The following SPEF2 variants were observed in gnomAD, a reference collection of about 807,000 sequenced individuals.
SPEF2 encodes sperm flagella and cilia-associated protein 2.
In SPEF2, 187 loss-of-function variants were observed where a neutral mutation model predicts 224.6. That is an observed-to-expected ratio of 0.83 (90% CI 0.74 to 0.94). The LOEUF is 0.94. SPEF2 is among the 40% of genes least tolerant of loss of function. The probability of loss-of-function intolerance (pLI) is 0.00; values close to 1 mark genes in which losing one functional copy is unlikely to be tolerated. For missense variants in SPEF2, 2,170 were observed against 2,135.6 expected (o/e 1.02, Z -0.32); for synonymous variants, 715 against 707.3 (o/e 1.01, Z -0.17).
chr5:35,692,201 A>G (rs1041215682), intron 11 of SPEF2, among the ~76,000 whole-genome samples: 3 of 152,042 alleles, frequency 2.0e-5, no homozygotes, highest in Admixed American at 1.3e-4. Context: ...ACCTGAGGTC[A>G]AGAGTTTGAG....
chr5:35,720,972 G>A (rs1743556438), intron 20 of SPEF2, among the ~76,000 whole-genome samples: 2 of 150,040 alleles, frequency 1.3e-5, no homozygotes, highest in African/African-American at 4.9e-5. Context: ...TATTTATTTT[G>A]CCAAAATGAT....
intron 36 of SPEF2, among the ~76,000 whole-genome samples, chr5:35,809,558 G>C (rs930501216): frequency 1.3e-5 from 2 of 152,100 alleles, no homozygotes; most frequent in Non-Finnish European, 2.9e-5. Flanking sequence ...AAGGTCTGGG[G>C]AAGGCATGGA....
At chr5:35,656,784 C>T (rs1257273258) in intron 7 of SPEF2, among the ~76,000 whole-genome samples, 2 of 152,172 alleles carry the variant, frequency 1.3e-5, no homozygotes, top group African/African-American at 4.8e-5. Flanking sequence ...ACCTAAGGGG[C>T]CTAAAAAAGA....
At chr5:35,618,113 A>G (rs888417174) in intron 1 of SPEF2, 58 bp downstream of exon 1, 7 of 1,512,920 alleles carry the variant, frequency 4.6e-6, no homozygotes, top group East Asian at 2.4e-5. Flanking sequence ...CAGAGCCTGC[A>G]GCGCAGCGCA....
intron 26 of SPEF2, among the ~76,000 whole-genome samples, chr5:35,769,640 G>T (rs1025275986): frequency 2.6e-5 from 4 of 152,126 alleles, no homozygotes; most frequent in Non-Finnish European, 5.9e-5. Context: ...GACTGGTTTA[G>T]CTCTGGGAAG....
At chr5:35,685,948 T>C (rs935726346) in intron 10 of SPEF2, among the ~76,000 whole-genome samples, 3 of 151,914 alleles carry the variant, frequency 2.0e-5, no homozygotes, top group Non-Finnish European at 4.4e-5. Context: ...TAATGAAATA[T>C]AATGTACCCT....
chr5:35,796,608 T>TC (rs1756704585), intron 33 of SPEF2, among the ~76,000 whole-genome samples: 2 of 15,682 alleles, frequency 1.3e-4, no homozygotes, highest in Admixed American at 7.6e-4. Flanking sequence ...CGAGACTGTC[T>TC]CAAAAAAAAA....
At position 35,667,218 on chromosome 5, in the gene SPEF2, T is replaced by TTTG. The variant is rs1473916155; in HGVS notation, c.1316_1318dup (p.Leu439dup). 9 of 1,607,936 alleles carry TTTG rather than the reference T, an allele frequency of 5.6e-6. No homozygotes were observed. The highest frequency in any genetic ancestry group is 7.6e-6 in the Non-Finnish European group (9 of 1,176,494). ...CAGAAATTTTGGATCAAATAGTTGA[T>TTTG]TTGTCCACTAAAGTGGCAGACTATC... On this transcript the variant is annotated inframe_insertion, in exon 9 of 37. Coordinates refer to ENST00000356031, the MANE Select transcript of SPEF2 (RefSeq NM_024867.4).
At chr5:35,626,022 G>A (rs1174943869) in intron 1 of SPEF2, among the ~76,000 whole-genome samples, 1 of 152,192 alleles carries the variant, frequency 6.6e-6, no homozygotes, top group Admixed American at 6.5e-5. Flanking sequence ...TATTCAAATG[G>A]TGTTGCGTTA....
chr5:35,628,197 A>G (rs1440242270), intron 1 of SPEF2, among the ~76,000 whole-genome samples: 1 of 152,158 alleles, frequency 6.6e-6, no homozygotes, highest in Non-Finnish European at 1.5e-5. Context: ...TTTAAAAAAA[A>G]ATTTTATCTG....
Position 35,776,375 on chromosome 5 carries a change from G to T in SPEF2, c.4197G>T (p.Arg1399Ser), listed in dbSNP as rs1753611703. The change falls in exon 29 of 37, where the codon AGG becomes AGT. Residue 1399 changes from arginine (R) to serine (S), a missense_variant. Transcript: ENST00000356031. ...YKLMEKWLGE[R>S]YLNEMASTEK... is the part of the protein sequence containing the mutation. The stretch of plus-strand genomic sequence containing the variant: ...TCATGGAAAAATGGCTTGGTGAGAG[G>T]TATTTGAATGAAATGGCCAGGTAAA... The T allele has an allele frequency of 6.2e-7, 1 of 1,608,024 alleles. No individual in the cohort carries two copies. Among genetic ancestry groups the T allele is most frequent in the African/African-American group, 1.3e-5 (1 of 74,690 alleles).
chr5:35,788,494 C>T (rs1445503464), intron 30 of SPEF2: 17 of 702,446 alleles, frequency 2.4e-5, no homozygotes, highest in Middle Eastern at 2.3e-4. Flanking sequence ...TCAAAGAAGC[C>T]GAACTTGTCT....
chr5:35,773,834 A>T lies in SPEF2; in HGVS notation c.3950-59A>T, dbSNP rs1753224550. On this transcript the variant is annotated intron_variant, in intron 27 of 36. Transcript: ENST00000356031. ...TGCTTTGTGCTCATTCTGTCCAAGT[A>T]CTATGTGCACACCTTTGTATTTTGT... The T allele has an allele frequency of 1.9e-6, 3 of 1,554,892 alleles. No homozygotes were observed. In the Admixed American group the frequency reaches 5.9e-5, roughly 30 times the overall value.
At chr5:35,628,135 C>A (rs1744529749) in intron 1 of SPEF2, among the ~76,000 whole-genome samples, 1 of 151,984 alleles carries the variant, frequency 6.6e-6, no homozygotes, top group Non-Finnish European at 1.5e-5. Context: ...TATAAAATAT[C>A]TTTAAGGCTA....
At chr5:35,643,612 G>T in intron 3 of SPEF2, 1 of 453,156 alleles carries the variant, frequency 2.2e-6, no homozygotes. Flanking sequence ...AGAGGAATAT[G>T]CAATCAATGG....
intron 10 of SPEF2, among the ~76,000 whole-genome samples, chr5:35,673,077 G>A (rs1297922495): frequency 6.6e-6 from 1 of 152,166 alleles, no homozygotes; most frequent in Admixed American, 6.5e-5. Context: ...CTCTCTCCCA[G>A]GAAAGAGGCA....
Position 35,691,107 on chromosome 5 carries a change from T to C in SPEF2, c.1595T>C (p.Leu532Pro). 1 of 1,614,136 alleles carries C rather than the reference T, an allele frequency of 6.2e-7. No homozygotes were observed. The highest frequency in any genetic ancestry group is 8.5e-7 in the Non-Finnish European group (1 of 1,179,996). ...TTACCACCCTCCAACAATTGCATAC[T>C]GGGCCATATTCTTCACAGGCTAGCT... The part of the protein sequence containing the change: ...DNLPPSNNCI[L>P]GHILHRLAEK... The change falls in exon 11 of 37, where the codon CTG becomes CCG. Residue 532 changes from leucine (L) to proline (P), a missense_variant. Physicochemically the swap from Leu to Pro is moderately conservative, Grantham distance 98 (BLOSUM62 -3). Coordinates refer to ENST00000356031, the MANE Select transcript of SPEF2 (RefSeq NM_024867.4).
chr5:35,692,914 G>A (rs1268631437), intron 12 of SPEF2, among the ~76,000 whole-genome samples, 190 bp downstream of exon 12: 1 of 152,112 alleles, frequency 6.6e-6, no homozygotes. Context: ...TAGGCCAAGA[G>A]GTAAAATCGA....
intron 30 of SPEF2, chr5:35,789,348 T>C: frequency 1.4e-6 from 1 of 703,494 alleles, no homozygotes; most frequent in Non-Finnish European, 2.6e-6. Flanking sequence ...GAGTCAATGC[T>C]GGAAATGCTC....
Sources: gnomAD v4.1 joint callset for allele counts (sites outside exome capture counted in the v4.1 genomes callset) on GRCh38, gnomAD v4.1.1 for gene constraint, MANE v1.5 for transcripts, NCBI Gene and HGNC (gene_info 2026-07-23, HGNC 2026-07-21) for gene names.